Variants in TCP11 observed in about 807,000 individuals in gnomAD.
The protein encoded by TCP11 is t-complex 11, also known as T-complex protein 11 homolog.
A neutral mutation model predicts 45.0 loss-of-function variants in TCP11; 34 were observed. The ratio of observed to expected loss-of-function variants is 0.76; its 90% CI spans 0.57 to 1.01. The LOEUF is 1.01. Among genes scored for constraint, TCP11 ranks in the 50% least tolerant of loss-of-function variants. TCP11 has a pLI of 0.00. For missense variants in TCP11, 523 were observed against 598.1 expected (o/e 0.87, Z 1.31); for synonymous variants, 227 against 227.0 (o/e 1.00, Z 0.00).
intron 4 of TCP11, among the ~76,000 whole-genome samples, chr6:35,123,445 C>A (rs1054670724): frequency 1.0e-4 from 13 of 126,188 alleles, no homozygotes; most frequent in Non-Finnish European, 1.9e-4. Flanking sequence ...CTGAACCACC[C>A]ACCATTAAAA....
At chr6:35,128,456 G>A (rs1160820811) in intron 4 of TCP11, 1 of 152,240 alleles carries the variant, frequency 6.6e-6, no homozygotes, top group Non-Finnish European at 1.5e-5. Context: ...TGTAATCATG[G>A]GAGTTATATC....
In TCP11 at chr6:35,120,650, T is replaced by C. The variant is rs1168531424; in HGVS notation, c.716-4A>G. 5.0e-6 allele frequency: 8 copies of C among 1,612,466 alleles called. No homozygotes were observed. The South Asian group carries it at 8.8e-5, about 18-fold the overall frequency. On this transcript the variant is annotated splice_region_variant and splice_polypyrimidine_tract_variant and intron_variant, in intron 6 of 9. Transcript: ENST00000311875. The surrounding 1 kb of genome is among the most constrained non-coding windows in gnomAD (Gnocchi z 4.9). ...TTGGTGGTGTGATTAAGGAGACCTATGACAGGTAAGGGAGTGTGTAAGCAT... is the reference window on the plus strand; with the variant it reads ...TTGGTGGTGTGATTAAGGAGACCTACGACAGGTAAGGGAGTGTGTAAGCAT...
intron 2 of TCP11, among the ~76,000 whole-genome samples, chr6:35,138,441 C>CAGG (rs1355754310): frequency 6.6e-6 from 1 of 152,158 alleles, no homozygotes; most frequent in Non-Finnish European, 1.5e-5. Flanking sequence ...GCAGATGGAA[C>CAGG]AGGAGGTCAT....
At chr6:35,139,103 G>A (rs1244588240) in intron 2 of TCP11, among the ~76,000 whole-genome samples, 2 of 151,876 alleles carry the variant, frequency 1.3e-5, no homozygotes, top group East Asian at 1.9e-4. Flanking sequence ...CAGGAGAATC[G>A]CTTGAACCCA....
rs757599462 is a variant in TCP11, at chr6:35,140,742, C to T, written c.124+5G>A. On this transcript the variant is annotated splice_donor_5th_base_variant and intron_variant, in intron 2 of 9. Transcript: ENST00000311875. ...GGGCCACAGGGACTGCCGAGCTGGA[C>T]CTACAGGGAGGGGGGTCCTCGGAGC... 7 of 1,527,380 alleles carry T rather than the reference C, an allele frequency of 4.6e-6. No homozygotes were observed. The highest frequency in any genetic ancestry group is 6.1e-6 in the Non-Finnish European group (7 of 1,142,400). 94.6% of individuals were successfully genotyped at this position (1,527,380 alleles called of 1,614,324 possible).
At chr6:35,140,199 C>T (rs1781564190) in intron 2 of TCP11, 2 of 1,539,832 alleles carry the variant, frequency 1.3e-6, no homozygotes, top group South Asian at 2.4e-5. Flanking sequence ...ACGGACAGCT[C>T]CTCAGTTTGA....
chr6:35,139,219 TCAA>T (rs1781451414), intron 2 of TCP11, among the ~76,000 whole-genome samples: 1 of 148,746 alleles, frequency 6.7e-6, no homozygotes. Flanking sequence ...AAAAAACCCA[TCAA>T]CAACAACAAA....
In TCP11 at chr6:35,138,062, C is replaced by T. The variant is rs149114082; in HGVS notation, c.125-1844G>A. On this transcript the variant is annotated intron_variant, in intron 2 of 9. Coordinates refer to ENST00000311875, the MANE Select transcript of TCP11 (RefSeq NM_001370687.1). The stretch of plus-strand genomic sequence containing the variant: ...TTGTATCTCACCCCAGTTAAAATGG[C>T]TTTTATCCAAAACTCAGGCAATAAC... Among the ~76,000 whole-genome samples, 449 of 152,248 alleles carry T rather than the reference C, an allele frequency of 2.9e-3. 3 individuals are homozygous for T. Among genetic ancestry groups the T allele is most frequent in the Admixed American group, 5.8e-3 (88 of 15,288 alleles).
At position 35,120,559 on chromosome 6, in the gene TCP11, G is replaced by C; in HGVS notation, c.803C>G (p.Ser268Cys). The change falls in exon 7 of 10, where the codon TCC (serine) becomes TGC (cysteine). Residue 268 changes from serine (S) to cysteine (C), a missense_variant. This residue lies in a region of TCP11 where 298 missense variants were observed against 387.9 expected (regional missense o/e 0.77). Transcript: ENST00000311875. This position sits in a 1 kb window ranked among gnomAD's most constrained non-coding sequence, Gnocchi z 4.9. ...SPPTCPDTSD[S>C]SSVAGPSPNE... The stretch of plus-strand genomic sequence containing the variant: ...GGGAGAGGGGCCAGCCACACTGGAG[G>C]AGTCAGAAGTGTCTGGGCAAGTCGG... The C allele has an allele frequency of 6.2e-7, 1 of 1,613,980 alleles. No homozygotes were observed.
chr6:35,119,788 T>C (rs1035931985), intron 8 of TCP11, among the ~76,000 whole-genome samples: 90 of 152,336 alleles, frequency 5.9e-4, no homozygotes, highest in African/African-American at 2.1e-3. Flanking sequence ...TCATCAGTTA[T>C]AACTACAACC....
chr6:35,123,170 A>G (rs1581808683), intron 4 of TCP11, among the ~76,000 whole-genome samples: 1 of 152,334 alleles, frequency 6.6e-6, no homozygotes, highest in East Asian at 1.9e-4. Context: ...CCTCTCAGCA[A>G]GCTCCTGCAT....
At chr6:35,138,426 A>G (rs1247735153) in intron 2 of TCP11, among the ~76,000 whole-genome samples, 2 of 152,250 alleles carry the variant, frequency 1.3e-5, no homozygotes, top group East Asian at 3.8e-4. Flanking sequence ...GTTATCCGCA[A>G]CAACGCAGAT....
At chr6:35,123,373 A>G (rs1002886839) in intron 4 of TCP11, among the ~76,000 whole-genome samples, 2 of 152,104 alleles carry the variant, frequency 1.3e-5, no homozygotes, top group African/African-American at 2.4e-5. Flanking sequence ...AAGTTTCTAG[A>G]GTTTCAGTGG....
At chr6:35,119,467 C>T in intron 8 of TCP11, 76 bp from the exon 9 acceptor site, 2 of 1,531,442 alleles carry the variant, frequency 1.3e-6, no homozygotes, top group South Asian at 1.2e-5. Flanking sequence ...ATGCTGTATA[C>T]CAGATGCCAG....
chr6:35,123,754 T>C (rs1026926586), intron 4 of TCP11, among the ~76,000 whole-genome samples: 3 of 150,986 alleles, frequency 2.0e-5, no homozygotes, highest in African/African-American at 7.3e-5. Context: ...CCCAAAGTGC[T>C]GGGATTATAA....
chr6:35,140,660 G>A (rs997657242), intron 2 of TCP11, 87 bp downstream of exon 2: 8 of 741,918 alleles, frequency 1.1e-5, no homozygotes, highest in Admixed American at 2.0e-5. Flanking sequence ...ATAGTGAAGA[G>A]AGAAAACTTG....
At chr6:35,127,835 A>G (rs1780003319) in intron 4 of TCP11, among the ~76,000 whole-genome samples, 1 of 152,188 alleles carries the variant, frequency 6.6e-6, no homozygotes, top group African/African-American at 2.4e-5. Flanking sequence ...TCAAATGTGT[A>G]TAGAAGAGCG....
rs1311343844 is a variant in TCP11 at position 35,119,334 on chromosome 6, G to A, written c.1173C>T (p.Ser391=). 6.2e-7 allele frequency: 1 copy of A among 1,614,066 alleles called. No homozygotes were observed. Among genetic ancestry groups the A allele is most frequent in the African/African-American group, 1.3e-5 (1 of 74,932 alleles). ...GAGCAACAAGGCCCATATTCTTGAG[G>A]CTTTGATGGATTTCCTGAGATACCT... The part of the protein sequence containing the change: ...SEQVSQEIHQ[S]LKNMGLVALS... The change falls in exon 9 of 10, where the codon AGC becomes AGT. Residue 391 remains serine, a synonymous_variant. Coordinates refer to ENST00000311875, the MANE Select transcript of TCP11 (RefSeq NM_001370687.1).
At position 35,140,783 on chromosome 6, in the gene TCP11, G is replaced by A. The variant is rs763065536; in HGVS notation, c.88C>T (p.Gln30Ter). The A allele has an allele frequency of 1.3e-6, 2 of 1,528,608 alleles. No individual in the cohort carries two copies. Among genetic ancestry groups the A allele is most frequent in the South Asian group, 1.3e-5 (1 of 75,668 alleles). 94.7% of individuals were successfully genotyped at this position (1,528,608 alleles called of 1,614,324 possible). A position where few individuals can be genotyped will look rare whatever the true frequency, so the allele number is the denominator to read the frequency against. Residue 30 changes from glutamine (Q) to a stop codon, truncating the protein, a stop_gained, in exon 2 of 10, where the codon CAG becomes TAG. Coordinates refer to ENST00000311875, the MANE Select transcript of TCP11 (RefSeq NM_001370687.1). LOFTEE classifies it high-confidence loss of function. ...TCCTCGGAGCCGCTCTTGTCTTCCT[G>A]GGGGGGTCCTGAGGTTTCGGGCTTA... Reference protein sequence around the residue: ...SCKPETSGPPQEDKSGSEDPP... With the variant: ...SCKPETSGPP
Sources: allele counts gnomAD v4.1 joint callset (sites outside exome capture counted in the v4.1 genomes callset), GRCh38; gene constraint gnomAD v4.1.1; regional missense constraint gnomAD v4.1.1; non-coding constraint Gnocchi (gnomAD v3.1); transcripts MANE v1.5; gene names NCBI Gene and HGNC (gene_info 2026-07-23, HGNC 2026-07-21).